The following INTS11 variants were observed in gnomAD, a reference collection of about 807,000 sequenced individuals.
INTS11 encodes the protein CPSF3-like protein.
Under a neutral mutation model 78.6 loss-of-function variants are expected in INTS11, and 77 were observed. The observed-to-expected ratio is 0.98, with a 90% CI of 0.81 to 1.18. INTS11 has a LOEUF of 1.18. Ranked by LOEUF, INTS11 falls within the 50% of genes most tolerant of loss-of-function variation. INTS11 has a pLI of 0.00. For synonymous variants in INTS11, 441 were observed against 326.9 expected (o/e 1.35, Z -3.77); for missense variants, 875 against 825.9 (o/e 1.06, Z -0.73).
In INTS11 at chr1:1,313,562, C is replaced by CGTGCA. The variant is rs1642377043; in HGVS notation, c.983_987dup (p.Ala330CysfsTer96). The CGTGCA allele has an allele frequency of 6.2e-7, 1 of 1,612,856 alleles. No homozygotes were observed. The highest frequency in any genetic ancestry group is 1.7e-5 in the Admixed American group (1 of 60,010). Reference sequence around the variant, plus strand: ...CGGAAGATCTGCAGGGACTGCCCAGCGTGCAGCATTCCTGGCGTGGCAAAC... The same window carrying CGTGCA: ...CGGAAGATCTGCAGGGACTGCCCAGCGTGCAGTGCAGCATTCCTGGCGTGGCAAAC... On this transcript the variant is annotated frameshift_variant, in exon 10 of 17. Transcript: ENST00000435064. LOFTEE classifies it high-confidence loss of function.
At chr1:1,324,123 C>A (rs1181262231) in intron 1 of INTS11, among the ~76,000 whole-genome samples, 1 of 438 alleles carries the variant, frequency 2.3e-3, no homozygotes, top group Non-Finnish European at 7.7e-3. Flanking sequence ...TGAGGGTCTG[C>A]GGGGCTGAGG....
At chr1:1,313,343 G>C in intron 10 of INTS11, 166 bp downstream of exon 10, 2 of 904,708 alleles carry the variant, frequency 2.2e-6, no homozygotes, top group Non-Finnish European at 3.5e-6. Flanking sequence ...CTGTGTCACA[G>C]AGACTGAGCA....
At chr1:1,318,732 C>T (rs1301599450) in intron 4 of INTS11, 3 of 478,664 alleles carry the variant, frequency 6.3e-6, no homozygotes, top group Admixed American at 7.9e-5. Flanking sequence ...TTAAATGTTC[C>T]AAAATACATA....
intron 11 of INTS11, 33 bp from the exon 12 acceptor site, chr1:1,312,982 C>G: frequency 6.2e-7 from 1 of 1,612,068 alleles, no homozygotes; most frequent in Non-Finnish European, 8.5e-7. Flanking sequence ...ACAGTGGTTA[C>G]CACCAGGAGG....
intron 1 of INTS11, chr1:1,322,120 G>A: frequency 2.0e-6 from 1 of 491,026 alleles, no homozygotes; most frequent in Non-Finnish European, 3.4e-6. Context: ...GGCTCACAGA[G>A]GCCCTCTGGC....
intron 10 of INTS11, 27 bp downstream of exon 10, chr1:1,313,482 G>T: frequency 6.2e-7 from 1 of 1,612,346 alleles, no homozygotes; most frequent in South Asian, 1.1e-5. Context: ...CCAGCTTCCA[G>T]ATTCCCACAC....
chr1:1,323,278 G>A, intron 1 of INTS11: 2 of 1,549,904 alleles, frequency 1.3e-6, no homozygotes, highest in African/African-American at 1.4e-5. Flanking sequence ...GGACAGCACA[G>A]GGCAGGCACC....
chr1:1,322,832 A>G, intron 1 of INTS11: 1 of 1,044,740 alleles, frequency 9.6e-7, no homozygotes, highest in Non-Finnish European at 1.2e-6. Flanking sequence ...GCGGACACGG[A>G]GCCCGAGGCA....
chr1:1,318,689 A>C (rs76511663), intron 4 of INTS11: 11,856 of 465,650 alleles, frequency 0.025, 1,211 homozygotes, highest in African/African-American at 0.22. Flanking sequence ...AAAAAGATAA[A>C]CATACTTCAT....
rs567423953 is a variant in INTS11, at chr1:1,314,745, T to C, written c.702+79A>G. The C allele has an allele frequency of 2.6e-6, 4 of 1,529,028 alleles. No individual in the cohort carries two copies. Among genetic ancestry groups the C allele is most frequent in the Non-Finnish European group, 2.7e-6 (3 of 1,120,994 alleles). 94.7% of individuals were successfully genotyped at this position (1,529,028 alleles called of 1,614,324 possible). A position where few individuals can be genotyped will look rare whatever the true frequency, so the allele number is the denominator to read the frequency against. On this transcript the variant is annotated intron_variant, in intron 7 of 16. Transcript: ENST00000435064. The surrounding 1 kb of genome is among the most constrained non-coding windows in gnomAD (Gnocchi z 4.2). The stretch of plus-strand genomic sequence containing the variant: ...CCCCCCACCCTGAGACCCTGACCCA[T>C]GCCAAGGGCAGCCAAGCCTGCCAGA...
At chr1:1,320,275 C>G in intron 3 of INTS11, 181 bp downstream of exon 3, 1 of 632,484 alleles carries the variant, frequency 1.6e-6, no homozygotes, top group East Asian at 2.7e-5. Flanking sequence ...GAAGAACAGA[C>G]AGAGACCAGG....
At chr1:1,317,929 G>A (rs1389749065) in intron 4 of INTS11, 1 of 152,098 alleles carries the variant, frequency 6.6e-6, no homozygotes, top group Non-Finnish European at 1.5e-5. Context: ...GCAGTGGTGG[G>A]ATCTTGGCTC....
Position 1,313,138 on chromosome 1 carries a change from C to T in INTS11, c.1042-14G>A. 6.2e-7 allele frequency: 1 copy of T among 1,600,766 alleles called. No homozygotes were observed. Among genetic ancestry groups the T allele is most frequent in the African/African-American group, 1.3e-5 (1 of 74,906 alleles). ...GGGCATGATGACCTGGGGGCAGGCA[C>T]AGAGCTCACAGCCAGGGAACTCCAG... On this transcript the variant is annotated splice_polypyrimidine_tract_variant and intron_variant, in intron 10 of 16. Transcript: ENST00000435064.
At chr1:1,319,615 G>T (rs917132803) in intron 3 of INTS11, 91 bp from the exon 4 acceptor site, 2 of 840,642 alleles carry the variant, frequency 2.4e-6, no homozygotes, top group Admixed American at 2.7e-5. Context: ...CCCTTCATTC[G>T]CCTGCTGTGC....
chr1:1,323,004 G>A, intron 1 of INTS11: 2 of 1,388,788 alleles, frequency 1.4e-6, no homozygotes, highest in Non-Finnish European at 9.4e-7. Context: ...AGGCAGCCAA[G>A]AGGCCAAATG....
rs910564570 is a variant in INTS11, at chr1:1,314,580, A to G, written c.703-215T>C. On this transcript the variant is annotated intron_variant, in intron 7 of 16. Transcript: ENST00000435064. This position sits in a 1 kb window ranked among gnomAD's most constrained non-coding sequence, Gnocchi z 4.2. ...CGCATGAGAGACAGAAGGGAGCTGC[A>G]TGAGAGACAGAAGGAGCCTGGCCAG... 1.1e-5 allele frequency: 7 copies of G among 632,498 alleles called. No individual in the cohort carries two copies. The highest frequency in any genetic ancestry group is 3.7e-5 in the African/African-American group (2 of 54,316). 39.2% of individuals were successfully genotyped at this position (632,498 alleles called of 1,614,324 possible).
At chr1:1,316,133 T>C (rs993196546) in intron 4 of INTS11, 5 of 191,256 alleles carry the variant, frequency 2.6e-5, no homozygotes, top group South Asian at 1.9e-4. Context: ...AATACAAAAG[T>C]AAGCCAGGTG....
rs1362893481 is a variant in INTS11, at chr1:1,313,125, C to T, written c.1042-1G>A. On this transcript the variant is annotated splice_acceptor_variant, in intron 10 of 16. Coordinates refer to ENST00000435064, the MANE Select transcript of INTS11 (RefSeq NM_017871.6). LOFTEE classifies it high-confidence loss of function. ...GCACGCAGTAGCCGGGCATGATGAC[C>T]TGGGGGCAGGCACAGAGCTCACAGC... 6.2e-7 allele frequency: 1 copy of T among 1,605,562 alleles called. No individual in the cohort carries two copies. The highest frequency in any genetic ancestry group is 8.5e-7 in the Non-Finnish European group (1 of 1,179,242).
chr1:1,314,746 G>A lies in INTS11; in HGVS notation c.702+78C>T. 6.5e-7 allele frequency: 1 copy of A among 1,528,224 alleles called. No homozygotes were observed. The highest frequency in any genetic ancestry group is 1.8e-5 in the Admixed American group (1 of 55,928). The allele number at this position is 1,528,224 out of a possible 1,614,324, so 94.7% of individuals were successfully genotyped here. A position where few individuals can be genotyped will look rare whatever the true frequency, so the allele number is the denominator to read the frequency against. On this transcript the variant is annotated intron_variant, in intron 7 of 16. Transcript: ENST00000435064. This position sits in a 1 kb window ranked among gnomAD's most constrained non-coding sequence, Gnocchi z 4.2. ...CCCCCACCCTGAGACCCTGACCCAT[G>A]CCAAGGGCAGCCAAGCCTGCCAGAA...
Sources: gnomAD v4.1 joint callset for allele counts (sites outside exome capture counted in the v4.1 genomes callset) on GRCh38, gnomAD v4.1.1 for gene constraint, Gnocchi (gnomAD v3.1) non-coding constraint, MANE v1.5 for transcripts, NCBI Gene and HGNC (gene_info 2026-07-23, HGNC 2026-07-21) for gene names.